LGR6: variants seen among roughly 807,000 people sequenced by gnomAD.
LGR6 encodes the protein leucine rich repeat containing G protein-coupled receptor 6.
A neutral mutation model predicts 69.4 loss-of-function variants in LGR6; 45 were observed. The ratio of observed to expected loss-of-function variants is 0.65; its 90% CI spans 0.51 to 0.83. The LOEUF (loss-of-function observed/expected upper bound fraction) is 0.83. Ranked by LOEUF, LGR6 falls within the 40% of genes least tolerant of loss-of-function variation. LGR6 has a pLI of 0.00. For synonymous variants in LGR6, 538 were observed against 555.0 expected (o/e 0.97, Z 0.43); for missense variants, 1,108 against 1,246.7 (o/e 0.89, Z 1.68).
In LGR6 at chr1:202,205,548, C is replaced by T. The variant is rs1423155498; in HGVS notation, c.212+11347C>T. Reference sequence around the variant, plus strand: ...TCAAGCACACACACACACCTCCAAACACATATGCACACCTCCTTCAAACAT... The same window carrying T: ...TCAAGCACACACACACACCTCCAAATACATATGCACACCTCCTTCAAACAT... On this transcript the variant is annotated intron_variant, in intron 1 of 17. Coordinates refer to ENST00000367278, the MANE Select transcript of LGR6 (RefSeq NM_001017403.2). 2.9e-5 allele frequency among the ~76,000 whole-genome samples: 4 copies of T among 135,878 alleles called. No individual in the cohort carries two copies. The East Asian group carries it at 9.6e-4, about 33-fold the overall frequency. 89.1% of individuals were successfully genotyped at this position (135,878 alleles called of 152,430 possible).
intron 1 of LGR6, among the ~76,000 whole-genome samples, chr1:202,209,061 G>A (rs754737417): frequency 2.0e-5 from 3 of 152,146 alleles, no homozygotes; most frequent in Non-Finnish European, 4.4e-5. Flanking sequence ...CATTTGCTTA[G>A]TGTTTGACCC....
chr1:202,318,703 C>T lies in LGR6; in HGVS notation c.2400C>T (p.Leu800=), dbSNP rs1654373767. The part of the protein sequence containing the change: ...AFLSFASMLG[L]FPVTPEAVKS... ...TCAGCTTTGCCTCCATGCTGGGCCTCTTCCCTGTCACGCCCGAGGCCGTCA... is the reference window on the plus strand; with the variant it reads ...TCAGCTTTGCCTCCATGCTGGGCCTTTTCCCTGTCACGCCCGAGGCCGTCA... Residue 800 remains leucine (L), a synonymous_variant, in exon 18 of 18, where the codon CTC becomes CTT. Coordinates refer to ENST00000367278, the MANE Select transcript of LGR6 (RefSeq NM_001017403.2). The T allele has an allele frequency of 1.9e-6, 3 of 1,613,670 alleles. No homozygotes were observed. The highest frequency in any genetic ancestry group is 2.5e-6 in the Non-Finnish European group (3 of 1,180,030).
chr1:202,268,056 G>A lies in LGR6; in HGVS notation c.429-8250G>A, dbSNP rs1255593814. Among the ~76,000 whole-genome samples the A allele has an allele frequency of 6.6e-6, 1 of 152,212 alleles. No individual in the cohort carries two copies. Among genetic ancestry groups the A allele is most frequent in the Non-Finnish European group, 1.5e-5 (1 of 68,026 alleles). Reference sequence around the variant, plus strand: ...AGGAGAGAGGCTGGGAGGGGTGTCAGTCCGCGGGAAGGCAGAAGCTCATGA... The same window carrying A: ...AGGAGAGAGGCTGGGAGGGGTGTCAATCCGCGGGAAGGCAGAAGCTCATGA... On this transcript the variant is annotated intron_variant, in intron 4 of 17. Transcript: ENST00000367278. This position sits in a 1 kb window ranked among gnomAD's most constrained non-coding sequence, Gnocchi z 4.4.
intron 1 of LGR6, among the ~76,000 whole-genome samples, chr1:202,206,654 A>G (rs913628899): frequency 2.0e-5 from 3 of 151,794 alleles, no homozygotes; most frequent in Non-Finnish European, 4.4e-5. Flanking sequence ...GGCTCAAGTG[A>G]TCCTCCCACT....
At chr1:202,202,596 G>A (rs894448416) in intron 1 of LGR6, among the ~76,000 whole-genome samples, 20 of 152,188 alleles carry the variant, frequency 1.3e-4, no homozygotes, top group South Asian at 6.2e-4. Context: ...ATGGGCATAC[G>A]GAAAGATGTT....
At chr1:202,227,910 C>T (rs183883465) in intron 2 of LGR6, 26 bp from the exon 3 acceptor site, 37 of 1,583,810 alleles carry the variant, frequency 2.3e-5, no homozygotes, top group African/African-American at 1.3e-5. Context: ...CTGCCAACAT[C>T]GCTGACCCTT....
At chr1:202,294,178 G>T (rs1666986527) in intron 6 of LGR6, among the ~76,000 whole-genome samples, 1 of 152,198 alleles carries the variant, frequency 6.6e-6, no homozygotes, top group Non-Finnish European at 1.5e-5. Context: ...CATCTATCAA[G>T]TATTTGTTGA....
rs1015851434 is a variant in LGR6, at chr1:202,310,303, G to A, written c.1513G>A (p.Glu505Lys). 10 of 1,613,950 alleles carry A rather than the reference G, an allele frequency of 6.2e-6. No homozygotes were observed. The African/African-American group carries it at 1.3e-4, about 22-fold the overall frequency. The change falls in exon 16 of 18, where the codon GAG becomes AAG. Residue 505 changes from glutamate to lysine, a missense_variant. Physicochemically the swap from Glu to Lys is moderately conservative, Grantham distance 56. Coordinates refer to ENST00000367278, the MANE Select transcript of LGR6 (RefSeq NM_001017403.2). ...WEAEDLHLDD[E>K]ESSKRPLGLL... ...GGCTGAAGACCTTCACCTTGATGAT[G>A]AGGAGTCTTCAAAAAGGCCCCTGGG...
At chr1:202,204,971 C>T (rs1659068344) in intron 1 of LGR6, among the ~76,000 whole-genome samples, 1 of 39,910 alleles carries the variant, frequency 2.5e-5, no homozygotes, top group Non-Finnish European at 5.0e-5. Context: ...AACACACACA[C>T]ACCTAACACA....
chr1:202,211,328 C>T (rs1023425752), intron 1 of LGR6, among the ~76,000 whole-genome samples: 26 of 152,330 alleles, frequency 1.7e-4, no homozygotes, highest in African/African-American at 6.0e-4. Flanking sequence ...GGGGAGCCCT[C>T]AGAAAGCCTG....
At chr1:202,239,332 T>TTG (rs1035813755) in intron 4 of LGR6, among the ~76,000 whole-genome samples, 8 of 139,634 alleles carry the variant, frequency 5.7e-5, no homozygotes, top group Admixed American at 1.5e-4. Context: ...CTGGCTGAAC[T>TTG]TGTGTGTGTG....
intron 4 of LGR6, among the ~76,000 whole-genome samples, chr1:202,273,952 G>A (rs1230661557): frequency 2.6e-5 from 4 of 152,160 alleles, no homozygotes; most frequent in Non-Finnish European, 5.9e-5. Context: ...TCAGGGCTTA[G>A]GTATCTGTCT....
chr1:202,258,760 T>C (rs1220175293), intron 4 of LGR6, among the ~76,000 whole-genome samples: 1 of 152,096 alleles, frequency 6.6e-6, no homozygotes, highest in Non-Finnish European at 1.5e-5. Flanking sequence ...AGATATCTAA[T>C]ATTATTTGTA....
intron 1 of LGR6, among the ~76,000 whole-genome samples, chr1:202,205,368 A>AC (rs1491241210): frequency 0.028 from 9 of 326 alleles, 1 homozygote; most frequent in Admixed American, 0.059. Flanking sequence ...ACACACCTCC[A>AC]AACACACACA....
rs746807134 is a variant in LGR6, at chr1:202,258,280, C to T, written c.429-18026C>T. On this transcript the variant is annotated intron_variant, in intron 4 of 17. Transcript: ENST00000367278. The stretch of plus-strand genomic sequence containing the variant: ...GTTCATTTTTCTCTTATATTTTGCT[C>T]ATCTATTTATTATATGACATGAACT... Among the ~76,000 whole-genome samples, 7 of 151,846 alleles carry T rather than the reference C, an allele frequency of 4.6e-5. No individual in the cohort carries two copies. The South Asian group carries it at 6.2e-4, about 13-fold the overall frequency.
intron 4 of LGR6, among the ~76,000 whole-genome samples, chr1:202,263,138 T>G (rs1432285055): frequency 6.6e-6 from 1 of 152,080 alleles, no homozygotes; most frequent in Non-Finnish European, 1.5e-5. Context: ...TTTTTTCTTT[T>G]CTGAGACAGG....
intron 4 of LGR6, among the ~76,000 whole-genome samples, chr1:202,253,352 G>A (rs904531024): frequency 3.6e-4 from 54 of 151,946 alleles, no homozygotes; most frequent in African/African-American, 1.3e-3. Flanking sequence ...GCCTAGGCTG[G>A]AGGGCAGTGG....
In LGR6 at chr1:202,244,573, C is replaced by T. The variant is rs147031570; in HGVS notation, c.428+8580C>T. Reference sequence around the variant, plus strand: ...CTCCAGTCTCTGCCTTCTGCCTTCACGTAGCTTTCTCCTCTTTCTCTCTGT... The same window carrying T: ...CTCCAGTCTCTGCCTTCTGCCTTCATGTAGCTTTCTCCTCTTTCTCTCTGT... On this transcript the variant is annotated intron_variant, in intron 4 of 17. Transcript: ENST00000367278. Among the ~76,000 whole-genome samples the T allele has an allele frequency of 3.9e-3, 597 of 152,120 alleles. 4 individuals are homozygous for T. The highest frequency in any genetic ancestry group is 0.014 in the African/African-American group (565 of 41,494).
intron 1 of LGR6, chr1:202,194,547 C>T (rs746730291): frequency 3.4e-6 from 2 of 595,388 alleles, no homozygotes; most frequent in South Asian, 2.8e-5. Flanking sequence ...TCTCTTCTAG[C>T]AGAGCAGTGC....
Sources: allele counts gnomAD v4.1 joint callset (sites outside exome capture counted in the v4.1 genomes callset), GRCh38; gene constraint gnomAD v4.1.1; non-coding constraint Gnocchi (gnomAD v3.1); transcripts MANE v1.5; gene names NCBI Gene and HGNC (gene_info 2026-07-23, HGNC 2026-07-21).